Variants in DGKA observed in about 807,000 individuals in gnomAD.
The protein encoded by DGKA is 80 kDa diacylglycerol kinase.
In DGKA, 35 loss-of-function variants were observed where a neutral mutation model predicts 105.0. The ratio of observed to expected loss-of-function variants is 0.33; its 90% CI spans 0.25 to 0.44. The LOEUF (loss-of-function observed/expected upper bound fraction) is 0.44. Ranked by LOEUF, DGKA falls within the 20% of genes least tolerant of loss-of-function variation. The pLI, the probability that DGKA is intolerant of heterozygous loss-of-function variation, is 1.00. For synonymous variants in DGKA, 296 were observed against 332.0 expected, an observed-to-expected ratio of 0.89 and a Z score of 1.18; for missense variants, 665 against 915.0, an observed-to-expected ratio of 0.73 and a Z score of 3.53.
rs1219226711 is a variant in DGKA at position 55,942,239 on chromosome 12, G to T, written c.1402G>T (p.Ala468Ser). The T allele has an allele frequency of 3.7e-6, 6 of 1,614,072 alleles. No homozygotes were observed. Among genetic ancestry groups the T allele is most frequent in the Middle Eastern group, 1.6e-4 (1 of 6,082 alleles). Reference sequence around the variant, plus strand: ...GCCCCTGGGTACTGGAAATGATCTGGCTCGATGCCTAAGATGGGGAGGAGG... The same window carrying T: ...GCCCCTGGGTACTGGAAATGATCTGTCTCGATGCCTAAGATGGGGAGGAGG... ...VLPLGTGNDL[A>S]RCLRWGGGYE... is the part of the protein sequence containing the mutation. Residue 468 changes from alanine to serine, a missense_variant, in exon 17 of 24, where the codon GCT becomes TCT. Physicochemically the swap from Ala to Ser is moderately conservative, Grantham distance 99. Coordinates refer to ENST00000331886, the MANE Select transcript of DGKA (RefSeq NM_001345.5).
At chr12:55,937,194 T>C in intron 3 of DGKA, 104 bp downstream of exon 3, 1 of 1,335,942 alleles carries the variant, frequency 7.5e-7, no homozygotes, top group Non-Finnish European at 1.1e-6. Context: ...CACTATCCCC[T>C]CTAGAGATAC....
At position 55,942,140 on chromosome 12, in the gene DGKA, C is replaced by G. The variant is rs766413930; in HGVS notation, c.1337-34C>G. 50 of 1,613,856 alleles carry G rather than the reference C, an allele frequency of 3.1e-5. No homozygotes were observed. The Admixed American group carries it at 8.3e-4, about 27-fold the overall frequency. ...TGGGGTCGTAGTCTTGCAGAGCTAA[C>G]TCACTCCATCCTTCTCTTCACCTGC... On this transcript the variant is annotated intron_variant, in intron 16 of 23. Transcript: ENST00000331886.
Position 55,940,741 on chromosome 12 carries a change from G to GC in DGKA, c.1017+20dup. 3.7e-6 allele frequency: 6 copies of GC among 1,611,948 alleles called. No individual in the cohort carries two copies. Among genetic ancestry groups the GC allele is most frequent in the Non-Finnish European group, 5.1e-6 (6 of 1,179,030 alleles). On this transcript the variant is annotated intron_variant, in intron 12 of 23. Transcript: ENST00000331886. This position sits in a 1 kb window ranked among gnomAD's most constrained non-coding sequence, Gnocchi z 4.3. ...TGTCCTGGTGAGACCCTCGGCAGCA[G>GC]CGGGGAGGGGACAGGAGTGCCTCCC...
rs550264192 is a variant in DGKA, at chr12:55,939,403, G to A, written c.595-12G>A. On this transcript the variant is annotated splice_polypyrimidine_tract_variant and intron_variant, in intron 8 of 23. Transcript: ENST00000331886. Reference sequence around the variant, plus strand: ...GCTTTGACACTCCCTAGCATCTACTGTGCCTTCCTAGACTCTGAAGGACGA... The same window carrying A: ...GCTTTGACACTCCCTAGCATCTACTATGCCTTCCTAGACTCTGAAGGACGA... 2.0e-4 allele frequency: 315 copies of A among 1,614,124 alleles called. 3 individuals are homozygous for A. The South Asian group carries it at 2.8e-3, about 14-fold the overall frequency.
chr12:55,952,447 CTT>C lies in DGKA; in HGVS notation c.1743+17_1743+18del, dbSNP rs1565765983. 6.2e-7 allele frequency: 1 copy of C among 1,610,330 alleles called. No individual in the cohort carries two copies. Among genetic ancestry groups the C allele is most frequent in the East Asian group, 2.2e-5 (1 of 44,878 alleles). On this transcript the variant is annotated intron_variant, in intron 20 of 23. Transcript: ENST00000331886. The surrounding 1 kb of genome is among the most constrained non-coding windows in gnomAD (Gnocchi z 5.1). ...GACAGTTGAGGTGTGTGTAATAAGA[CTT>C]AACCCTACATCCTTTTCAGCTTCTT...
intron 14 of DGKA, 85 bp downstream of exon 14, chr12:55,941,410 TG>T (rs1885960490): frequency 8.9e-6 from 14 of 1,581,692 alleles, no homozygotes; most frequent in Non-Finnish European, 1.2e-5. Flanking sequence ...TGTGTGTGTC[TG>T]GAGGGGCATA....
At position 55,952,727 on chromosome 12, in the gene DGKA, C is replaced by G; in HGVS notation, c.1744-7C>G. On this transcript the variant is annotated splice_region_variant and splice_polypyrimidine_tract_variant and intron_variant, in intron 20 of 23. Coordinates refer to ENST00000331886, the MANE Select transcript of DGKA (RefSeq NM_001345.5). This position sits in a 1 kb window ranked among gnomAD's most constrained non-coding sequence, Gnocchi z 5.1. ...TCCCTAACTGGGACTGTGCCCCCTC[C>G]TCTCAGATCTGTGGGAAACCGCTGG... 1.2e-6 allele frequency: 2 copies of G among 1,613,982 alleles called. No individual in the cohort carries two copies. The highest frequency in any genetic ancestry group is 2.7e-5 in the African/African-American group (2 of 75,034).
chr12:55,951,945 G>T (rs916564353), intron 18 of DGKA, 90 bp from the exon 19 acceptor site: 2 of 1,544,876 alleles, frequency 1.3e-6, no homozygotes, highest in African/African-American at 2.7e-5. Flanking sequence ...GGGACATGCT[G>T]TGGGGAGCAG....
chr12:55,949,220 C>T (rs369227904), intron 17 of DGKA, among the ~76,000 whole-genome samples: 6 of 150,070 alleles, frequency 4.0e-5, no homozygotes, highest in East Asian at 2.0e-4. Context: ...TTTTTTGAGA[C>T]GGAGTCTCAC....
upstream of DGKA, chr12:55,927,917 GGTC>G: frequency 1.1e-6 from 1 of 923,074 alleles, no homozygotes; most frequent in Non-Finnish European, 1.6e-6. Flanking sequence ...TGGGCCCTAG[GGTC>G]AGAGGGCAGG....
chr12:55,941,648 GAGAGTGCAGGAA>G, intron 15 of DGKA, 64 bp downstream of exon 15: 2 of 1,520,548 alleles, frequency 1.3e-6, no homozygotes, highest in African/African-American at 1.4e-5. Context: ...TATATGTTAG[GAGAGTGCAGGAA>G]AGAGTGCAGA....
intron 1 of DGKA, among the ~76,000 whole-genome samples, chr12:55,934,430 A>G (rs2136293958): frequency 6.6e-6 from 1 of 152,316 alleles, no homozygotes; most frequent in South Asian, 2.1e-4. Flanking sequence ...CTAGGATGTC[A>G]GTATCCCAGA....
At chr12:55,941,041 G>A in intron 13 of DGKA, 61 bp downstream of exon 13, 4 of 1,554,464 alleles carry the variant, frequency 2.6e-6, no homozygotes, top group Non-Finnish European at 3.5e-6. Context: ...GAGCCCTCAT[G>A]GGTGGGAATG....
At chr12:55,953,207 G>A (rs1888510659) in intron 22 of DGKA, 47 bp downstream of exon 22, 2 of 1,613,496 alleles carry the variant, frequency 1.2e-6, no homozygotes. Flanking sequence ...GTGGGGCTGG[G>A]GCAGCAGAAG....
chr12:55,941,202 C>G (rs370092385), intron 13 of DGKA, 50 bp from the exon 14 acceptor site: 12 of 1,578,068 alleles, frequency 7.6e-6, no homozygotes, highest in Non-Finnish European at 1.7e-6. Context: ...CCCACCTTAA[C>G]TCTGACAAAA....
chr12:55,930,167 T>C (rs994339325), upstream of DGKA, among the ~76,000 whole-genome samples: 2 of 152,048 alleles, frequency 1.3e-5, no homozygotes, highest in Non-Finnish European at 2.9e-5. Context: ...GCACCACTCA[T>C]TGATATAGTC....
chr12:55,939,588 T>C (rs1052092313), intron 9 of DGKA, 59 bp downstream of exon 9: 4 of 1,546,620 alleles, frequency 2.6e-6, no homozygotes, highest in Non-Finnish European at 3.6e-6. Context: ...CTGTGGGAGC[T>C]TGATGCTGTA....
Position 55,952,479 on chromosome 12 carries a change from G to A in DGKA, c.1743+48G>A, listed in dbSNP as rs770472801. ...CTACATCCTTTTCAGCTTCTTAATA[G>A]CCAAGTTTCTCCCTCCATGGCACCC... On this transcript the variant is annotated intron_variant, in intron 20 of 23. Transcript: ENST00000331886. This position sits in a 1 kb window ranked among gnomAD's most constrained non-coding sequence, Gnocchi z 5.1. The A allele has an allele frequency of 1.3e-6, 2 of 1,575,874 alleles. No individual in the cohort carries two copies. Among genetic ancestry groups the A allele is most frequent in the African/African-American group, 1.4e-5 (1 of 74,052 alleles).
chr12:55,931,916 G>C (rs1883658993), intron 1 of DGKA: 2 of 151,966 alleles, frequency 1.3e-5, no homozygotes, highest in South Asian at 2.1e-4. Flanking sequence ...ACCTAGAAAC[G>C]GGCCTCTCCA....
Sources: allele counts gnomAD v4.1 joint callset (sites outside exome capture counted in the v4.1 genomes callset), GRCh38; gene constraint gnomAD v4.1.1; non-coding constraint Gnocchi (gnomAD v3.1); transcripts MANE v1.5; gene names NCBI Gene and HGNC (gene_info 2026-07-23, HGNC 2026-07-21).